The following IL13RA1 variants were observed in gnomAD, a reference collection of about 807,000 sequenced individuals.
The protein encoded by IL13RA1 is interleukin-13 receptor subunit alpha-1.
A neutral mutation model predicts 33.8 loss-of-function variants in IL13RA1; 14 were observed. The observed-to-expected ratio is 0.41, with a 90% confidence interval of 0.27 to 0.65. The LOEUF is 0.65. Among genes scored for constraint, IL13RA1 ranks in the 30% least tolerant of loss-of-function variants. IL13RA1 has a pLI of 0.28. For synonymous variants in IL13RA1, 116 were observed against 115.7 expected, an observed-to-expected ratio of 1.00 and a Z score of -0.02; for missense variants, 313 against 327.0, an observed-to-expected ratio of 0.96 and a Z score of 0.33.
Position 118,792,365 on chromosome X carries a change from G to C in IL13RA1, c.*511G>C. 8.9e-6 allele frequency: 1 copy of C among 112,552 alleles called. No individual in the cohort carries two copies. The highest frequency in any genetic ancestry group is 1.9e-5 in the Non-Finnish European group (1 of 53,371). The allele number at this position is 112,552 out of a possible 1,213,427, so 9.3% of individuals were successfully genotyped here. Reference sequence around the variant, plus strand: ...TATTAAAACTCTTTTAACAGTCTGGGCTGGGTCCGGTGGCTCACGCCTGTA... The same window carrying C: ...TATTAAAACTCTTTTAACAGTCTGGCCTGGGTCCGGTGGCTCACGCCTGTA... On this transcript the variant is annotated 3_prime_UTR_variant, in exon 11 of 11. Coordinates refer to ENST00000371666, the MANE Select transcript of IL13RA1 (RefSeq NM_001560.3).
chrX:118,800,128 A>T, the IL13RA1 span, among the ~76,000 whole-genome samples: 1 of 111,414 alleles, frequency 9.0e-6, no homozygotes, highest in Non-Finnish European at 1.9e-5. Context: ...GGAGGTAGAG[A>T]ACCTTTGTAT....
intron 1 of IL13RA1, among the ~76,000 whole-genome samples, chrX:118,732,187 C>T (rs919102379): frequency 1.8e-5 from 2 of 110,700 alleles, no homozygotes; most frequent in Non-Finnish European, 3.8e-5. Flanking sequence ...AAACTCTGTA[C>T]CCATTAAACA....
At position 118,765,647 on chromosome X, in the gene IL13RA1, C is replaced by T. The variant is rs183483529; in HGVS notation, c.829-883C>T. The stretch of plus-strand genomic sequence containing the variant: ...ATACTTGTCTCTTGGTACACATGTG[C>T]GTACATTTGTATGGGGCATTTATAT... On this transcript the variant is annotated intron_variant, in intron 6 of 10. Coordinates refer to ENST00000371666, the MANE Select transcript of IL13RA1 (RefSeq NM_001560.3). Among the ~76,000 whole-genome samples, 199 of 111,833 alleles carry T rather than the reference C, an allele frequency of 1.8e-3. 5 individuals carry two copies. In the South Asian group the frequency reaches 0.038, roughly 21 times the overall value.
downstream of IL13RA1, among the ~76,000 whole-genome samples, chrX:118,795,227 A>AAAAAAAAAAAAAAAAAAAAAG (rs200347606): frequency 3.2e-5 from 3 of 94,998 alleles, no homozygotes; most frequent in African/African-American, 1.4e-4. Context: ...AAAAAAAAAA[A>AAAAAAAAAAAAAAAAAAAAAG]AAAGAAAAAG....
At chrX:118,757,678 CTTTTTTTTTTT>C (rs765835021) in intron 4 of IL13RA1, among the ~76,000 whole-genome samples, 668 of 58,290 alleles carry the variant, frequency 0.011, 3 homozygotes, top group African/African-American at 0.045. Context: ...AGAATTCTGC[CTTTTTTTTTTT>C]TTTTTTTTTT....
intron 1 of IL13RA1, among the ~76,000 whole-genome samples, chrX:118,730,763 C>T (rs911504787): frequency 5.4e-5 from 6 of 112,026 alleles, no homozygotes; most frequent in African/African-American, 2.0e-4. Flanking sequence ...GAAAAATGTG[C>T]TGCGAACCCT....
chrX:118,786,368 G>A, intron 10 of IL13RA1, among the ~76,000 whole-genome samples: 1 of 108,888 alleles, frequency 9.2e-6, no homozygotes, highest in East Asian at 2.9e-4. Context: ...TCCAGCCCGG[G>A]CAACAGTGTG....
At chrX:118,733,583 T>C (rs2017247567) in intron 1 of IL13RA1, among the ~76,000 whole-genome samples, 1 of 112,021 alleles carries the variant, frequency 8.9e-6, no homozygotes, top group South Asian at 3.6e-4. Flanking sequence ...TGAGTCACTT[T>C]TTTCTGTGAA....
chrX:118,790,352 T>C (rs2017962550), intron 10 of IL13RA1, among the ~76,000 whole-genome samples: 1 of 112,672 alleles, frequency 8.9e-6, no homozygotes, highest in Non-Finnish European at 1.9e-5. Flanking sequence ...TTCTATAATA[T>C]GGTTGTAACC....
intron 1 of IL13RA1, among the ~76,000 whole-genome samples, chrX:118,734,702 C>T (rs912921592): frequency 1.6e-4 from 18 of 111,729 alleles, no homozygotes; most frequent in Admixed American, 4.7e-4. Flanking sequence ...TTGATATGCC[C>T]GTGTATTCAC....
intron 10 of IL13RA1, among the ~76,000 whole-genome samples, chrX:118,784,143 A>ATATG (rs1281163705): frequency 1.1e-5 from 1 of 95,083 alleles, no homozygotes; most frequent in Non-Finnish European, 2.0e-5. Flanking sequence ...ATATATATAT[A>ATATG]TATACGTATA....
the IL13RA1 span, among the ~76,000 whole-genome samples, chrX:118,804,946 G>T: frequency 1.8e-5 from 2 of 111,779 alleles, no homozygotes; most frequent in African/African-American, 6.5e-5. Flanking sequence ...CAAACCATCA[G>T]GCCTCCCAGA....
intron 10 of IL13RA1, among the ~76,000 whole-genome samples, chrX:118,777,293 C>T (rs1487228931): frequency 9.0e-6 from 1 of 111,276 alleles, no homozygotes; most frequent in Non-Finnish European, 1.9e-5. Flanking sequence ...TTTAAAGGTT[C>T]ATTCATGTTG....
intron 3 of IL13RA1, among the ~76,000 whole-genome samples, chrX:118,747,776 A>C (rs1053092078): frequency 1.8e-5 from 2 of 110,351 alleles, no homozygotes; most frequent in Admixed American, 9.9e-5. Flanking sequence ...GGAGTAGCAT[A>C]TACTGATTAA....
At chrX:118,777,805 A>C (rs781700709) in intron 10 of IL13RA1, among the ~76,000 whole-genome samples, 1 of 112,020 alleles carries the variant, frequency 8.9e-6, no homozygotes, top group East Asian at 2.8e-4. Flanking sequence ...CATCCACCCT[A>C]CTGAAATAAT....
intron 8 of IL13RA1, among the ~76,000 whole-genome samples, chrX:118,767,869 G>T (rs1433468245): frequency 9.0e-6 from 1 of 111,616 alleles, no homozygotes; most frequent in East Asian, 2.8e-4. Context: ...AGAAAGGAAT[G>T]CTGCAGGTTG....
At chrX:118,791,515 A>G (rs369188040) in intron 10 of IL13RA1, among the ~76,000 whole-genome samples, 22 of 110,196 alleles carry the variant, frequency 2.0e-4, no homozygotes, top group East Asian at 2.0e-3. Context: ...TTCTGGAGAT[A>G]GTCATTGTAC....
chrX:118,782,080 T>C (rs2017849726), intron 10 of IL13RA1, among the ~76,000 whole-genome samples: 1 of 111,490 alleles, frequency 9.0e-6, no homozygotes, highest in African/African-American at 3.3e-5. Context: ...CTTTTCTTTT[T>C]TTTTTCTTTT....
At chrX:118,754,945 T>TG in intron 4 of IL13RA1, among the ~76,000 whole-genome samples, 1 of 105,735 alleles carries the variant, frequency 9.5e-6, no homozygotes, top group Admixed American at 1.0e-4. Flanking sequence ...TTCTTTTTTT[T>TG]TTTTTTCTTT....
Sources: gnomAD v4.1 joint callset for allele counts (sites outside exome capture counted in the v4.1 genomes callset) on GRCh38, gnomAD v4.1.1 for gene constraint, MANE v1.5 for transcripts, NCBI Gene and HGNC (gene_info 2026-07-23, HGNC 2026-07-21) for gene names.